Variants in STPG2 observed in about 807,000 individuals in gnomAD.
STPG2 encodes sperm tail PG-rich repeat containing 2.
A neutral mutation model predicts 54.2 loss-of-function variants in STPG2; 56 were observed. The observed-to-expected ratio is 1.03, with a 90% CI of 0.83 to 1.29. STPG2 has a LOEUF of 1.29. Among genes scored for constraint, STPG2 ranks in the 50% most tolerant of loss-of-function variants. STPG2 has a pLI of 0.00. For synonymous variants in STPG2, 200 were observed against 181.8 expected, an observed-to-expected ratio of 1.10 and a Z score of -0.81; for missense variants, 596 against 544.9, an observed-to-expected ratio of 1.09 and a Z score of -0.93.
chr4:97,827,156 C>A (rs915007105), intron 9 of STPG2, among the ~76,000 whole-genome samples: 1 of 151,234 alleles, frequency 6.6e-6, no homozygotes, highest in African/African-American at 2.4e-5. Context: ...CTAAAGTAAT[C>A]TTTTTGACTC....
intron 8 of STPG2, among the ~76,000 whole-genome samples, chr4:97,848,545 T>A (rs1184707892): frequency 2.6e-5 from 4 of 152,170 alleles, no homozygotes; most frequent in Non-Finnish European, 4.4e-5. Flanking sequence ...TGCTGCATCG[T>A]ATTTAGGTTG....
intron 10 of STPG2, among the ~76,000 whole-genome samples, chr4:97,616,450 G>C (rs572914574): frequency 6.6e-6 from 1 of 151,976 alleles, no homozygotes; most frequent in Non-Finnish European, 1.5e-5. Context: ...ATTCACAACA[G>C]ATTTTGAAAA....
intron 10 of STPG2, among the ~76,000 whole-genome samples, chr4:97,610,645 G>C (rs564543820): frequency 1.3e-5 from 2 of 151,968 alleles, no homozygotes; most frequent in South Asian, 4.1e-4. Flanking sequence ...CAGGAGATCC[G>C]GCACCAGTCC....
chr4:97,882,976 T>TACACACACAC lies in STPG2; in HGVS notation c.1045-42054_1045-42045dup, dbSNP rs34481744. Among the ~76,000 whole-genome samples the TACACACACAC allele has an allele frequency of 1.8e-3, 260 of 146,964 alleles. 1 individual carries two copies. The highest frequency in any genetic ancestry group is 6.0e-3 in the African/African-American group (241 of 39,966). On this transcript the variant is annotated intron_variant, in intron 8 of 10. Transcript: ENST00000295268. ...AAAGAATCTACACATACATACCACA[T>TACACACACAC]ACACACACACACACACACACACACA...
Position 97,901,457 on chromosome 4 carries a change from A to C in STPG2, c.1044+42440T>G, listed in dbSNP as rs559572627. Among the ~76,000 whole-genome samples, 92 of 152,016 alleles carry C rather than the reference A, an allele frequency of 6.1e-4. 1 individual carries two copies. Among genetic ancestry groups the C allele is most frequent in the African/African-American group, 8.7e-4 (36 of 41,524 alleles). ...AAGCTCTAAAGACTACTGCCCCCCC[A>C]AAAAAAGTTACAACTAATAATACAG... On this transcript the variant is annotated intron_variant, in intron 8 of 10. Transcript: ENST00000295268.
intron 10 of STPG2, among the ~76,000 whole-genome samples, chr4:97,660,140 C>CTG (rs1297113889): frequency 1.3e-4 from 19 of 151,990 alleles, no homozygotes; most frequent in Non-Finnish European, 2.5e-4. Flanking sequence ...GTAGCTGGGA[C>CTG]TACAGGCGCC....
intron 5 of STPG2, among the ~76,000 whole-genome samples, chr4:97,983,558 T>C (rs1414742551): frequency 1.3e-5 from 2 of 152,208 alleles, no homozygotes; most frequent in African/African-American, 4.8e-5. Context: ...GCCCTTCATA[T>C]TGTTTCCTAT....
At chr4:97,468,637 T>G (rs1471976333) in intron 4 of STPG2, among the ~76,000 whole-genome samples, 1 of 152,052 alleles carries the variant, frequency 6.6e-6, no homozygotes, top group African/African-American at 2.4e-5. Flanking sequence ...AAGCAGATTT[T>G]CTGGAGGTGG....
At chr4:98,062,412 T>G (rs951979116) in intron 5 of STPG2, among the ~76,000 whole-genome samples, 7 of 152,104 alleles carry the variant, frequency 4.6e-5, no homozygotes, top group African/African-American at 1.7e-4. Context: ...TGTTTACCGA[T>G]GTAACAAACT....
At chr4:97,938,155 G>C (rs1231004757) in intron 8 of STPG2, among the ~76,000 whole-genome samples, 3 of 152,168 alleles carry the variant, frequency 2.0e-5, no homozygotes, top group Non-Finnish European at 4.4e-5. Context: ...GCCTACGAAG[G>C]CAGCCTGGCC....
intron 10 of STPG2, among the ~76,000 whole-genome samples, chr4:97,698,741 C>T (rs567589717): frequency 3.9e-5 from 6 of 152,164 alleles, no homozygotes; most frequent in African/African-American, 1.2e-4. Context: ...TGCCAGAGCC[C>T]GGCAAAGTAT....
chr4:97,907,860 A>C (rs970556528), intron 8 of STPG2, among the ~76,000 whole-genome samples: 8 of 152,140 alleles, frequency 5.3e-5, no homozygotes, highest in African/African-American at 1.9e-4. Flanking sequence ...CTTATACAAA[A>C]ATCAATTCAA....
chr4:97,934,733 T>G (rs1405354820), intron 8 of STPG2, among the ~76,000 whole-genome samples: 1 of 152,146 alleles, frequency 6.6e-6, no homozygotes, highest in Non-Finnish European at 1.5e-5. Context: ...TGGATAAGCT[T>G]TTTGATGTGC....
chr4:97,494,160 C>T (rs980531005), intron 4 of STPG2, among the ~76,000 whole-genome samples: 1 of 151,498 alleles, frequency 6.6e-6, no homozygotes, highest in African/African-American at 2.4e-5. Flanking sequence ...AATTTGGTAT[C>T]TAGAAAACCT....
intron 4 of STPG2, among the ~76,000 whole-genome samples, chr4:97,491,584 T>C (rs1730504543): frequency 6.6e-6 from 1 of 151,364 alleles, no homozygotes; most frequent in South Asian, 2.1e-4. Context: ...ATTATATTAG[T>C]TTATATGAAG....
intron 4 of STPG2, among the ~76,000 whole-genome samples, chr4:97,532,913 C>T (rs933318756): frequency 9.2e-5 from 14 of 152,176 alleles, no homozygotes; most frequent in Admixed American, 5.9e-4. Context: ...GATGGAGTTT[C>T]GCTCTGTCAC....
chr4:97,895,129 C>G (rs1163243223), intron 8 of STPG2, among the ~76,000 whole-genome samples: 1 of 151,642 alleles, frequency 6.6e-6, no homozygotes, highest in Non-Finnish European at 1.5e-5. Flanking sequence ...TAGGGCCAAG[C>G]AATTGCAATA....
chr4:97,583,069 C>A (rs1194885092), intron 10 of STPG2, among the ~76,000 whole-genome samples: 2 of 151,978 alleles, frequency 1.3e-5, no homozygotes, highest in Admixed American at 1.3e-4. Context: ...TGTTAAGTCT[C>A]ATCATTTGTC....
At chr4:97,880,278 G>A (rs1366338582) in intron 8 of STPG2, among the ~76,000 whole-genome samples, 1 of 152,130 alleles carries the variant, frequency 6.6e-6, no homozygotes, top group African/African-American at 2.4e-5. Flanking sequence ...AATGGGATCA[G>A]GTTCATTTGA....
Sources: allele counts gnomAD v4.1 joint callset (sites outside exome capture counted in the v4.1 genomes callset), GRCh38; gene constraint gnomAD v4.1.1; transcripts MANE v1.5; gene names NCBI Gene and HGNC (gene_info 2026-07-23, HGNC 2026-07-21).